Variants in MYO9A observed in about 807,000 individuals in gnomAD.
The protein encoded by MYO9A is unconventional myosin-IXa.
MYO9A carries 103 observed loss-of-function variants against 293.3 expected under a neutral mutation model. That is an observed-to-expected ratio of 0.35 (90% CI 0.30 to 0.41). The LOEUF (loss-of-function observed/expected upper bound fraction) is 0.41, where lower values mean the gene tolerates loss of function less well. Among genes scored for constraint, MYO9A ranks in the 10% least tolerant of loss-of-function variants. MYO9A has a pLI of 1.00. For missense variants in MYO9A, 2,685 were observed against 3,033.0 expected (o/e 0.89, Z 2.69); for synonymous variants, 1,001 against 1,035.7 (o/e 0.97, Z 0.64).
chr15:71,886,272 T>A (rs1266156315), intron 27 of MYO9A, among the ~76,000 whole-genome samples: 1 of 151,664 alleles, frequency 6.6e-6, no homozygotes, highest in Non-Finnish European at 1.5e-5. Context: ...AGTATGGTCT[T>A]CCTTACAGGG....
Position 72,020,901 on chromosome 15 carries a change from T to G in MYO9A, c.1098+17A>C, listed in dbSNP as rs775325850. 2.5e-5 allele frequency: 37 copies of G among 1,453,172 alleles called. No individual in the cohort carries two copies. The highest frequency in any genetic ancestry group is 3.4e-5 in the Non-Finnish European group (37 of 1,092,290). 90.0% of individuals were successfully genotyped at this position (1,453,172 alleles called of 1,614,324 possible). ...AATACTGCCCTATACTTCAAAATGC[T>G]TTTTATGAACTCTCACCTGATTGAG... On this transcript the variant is annotated intron_variant, in intron 5 of 41. Transcript: ENST00000356056.
At position 72,058,290 on chromosome 15, in the gene MYO9A, T is replaced by A. The variant is rs559356278; in HGVS notation, c.-71-11656A>T. ...TGCACATAAAGGTATACATATATTTTAAAATGGGTTAAAACACTGGGCTTT... is the reference window on the plus strand; with the variant it reads ...TGCACATAAAGGTATACATATATTTAAAAATGGGTTAAAACACTGGGCTTT... On this transcript the variant is annotated intron_variant, in intron 1 of 41. Transcript: ENST00000356056. Among the ~76,000 whole-genome samples the A allele has an allele frequency of 5.3e-5, 8 of 152,314 alleles. 1 individual carries two copies. In the East Asian group the frequency reaches 1.5e-3, roughly 29 times the overall value.
At chr15:71,905,592 C>T (rs1453127022) in intron 19 of MYO9A, among the ~76,000 whole-genome samples, 1 of 151,820 alleles carries the variant, frequency 6.6e-6, no homozygotes, top group Non-Finnish European at 1.5e-5. Context: ...TTGAGACCAG[C>T]CTGGCCAACA....
intron 19 of MYO9A, among the ~76,000 whole-genome samples, chr15:71,905,700 T>C (rs559427296): frequency 6.2e-4 from 83 of 134,002 alleles, no homozygotes; most frequent in African/African-American, 2.3e-3. Context: ...GAGGTGGAGG[T>C]TGCAGTAAGC....
intron 4 of MYO9A, among the ~76,000 whole-genome samples, chr15:72,025,381 G>C (rs2077632926): frequency 6.6e-6 from 1 of 151,860 alleles, no homozygotes; most frequent in Non-Finnish European, 1.5e-5. Context: ...TTTTTTTTGA[G>C]ATGGAGTTTC....
intron 32 of MYO9A, among the ~76,000 whole-genome samples, chr15:71,868,150 C>A (rs550266599): frequency 6.6e-5 from 10 of 152,338 alleles, no homozygotes; most frequent in African/African-American, 2.2e-4. Context: ...GTGGAACAAT[C>A]TGCTTCCAAT....
chr15:72,074,143 ATG>A (rs567850459), intron 1 of MYO9A, among the ~76,000 whole-genome samples: 4 of 152,224 alleles, frequency 2.6e-5, no homozygotes, highest in Non-Finnish European at 5.9e-5. Context: ...CTAGGTATTA[ATG>A]TGTGATAATA....
intron 1 of MYO9A, among the ~76,000 whole-genome samples, chr15:72,056,651 G>A (rs2149889781): frequency 6.6e-6 from 1 of 152,276 alleles, no homozygotes; most frequent in Non-Finnish European, 1.5e-5. Context: ...TCAGGCGATG[G>A]GTGCACCAAA....
intron 1 of MYO9A, among the ~76,000 whole-genome samples, chr15:72,056,406 G>A (rs1596479754): frequency 1.3e-5 from 2 of 152,200 alleles, no homozygotes; most frequent in East Asian, 3.8e-4. Flanking sequence ...ATACTACTCA[G>A]CCATAAAAAG....
chr15:71,843,456 A>G (rs2055252423), intron 39 of MYO9A, among the ~76,000 whole-genome samples: 1 of 152,222 alleles, frequency 6.6e-6, no homozygotes, highest in Middle Eastern at 3.4e-3. Flanking sequence ...AAATAAATAA[A>G]TAGATTAGTC....
intron 1 of MYO9A, among the ~76,000 whole-genome samples, chr15:72,076,566 T>A (rs1455005912): frequency 6.6e-6 from 1 of 152,096 alleles, no homozygotes; most frequent in Admixed American, 6.5e-5. Context: ...ATCTCTAACG[T>A]GAAAACTATG....
At chr15:72,049,806 A>G (rs1031995875) in intron 1 of MYO9A, among the ~76,000 whole-genome samples, 8 of 152,216 alleles carry the variant, frequency 5.3e-5, no homozygotes, top group Non-Finnish European at 8.8e-5. Flanking sequence ...TCCCAAAACC[A>G]TCCCCTACTA....
chr15:72,021,923 T>C (rs1246427715), intron 4 of MYO9A, among the ~76,000 whole-genome samples: 1 of 152,130 alleles, frequency 6.6e-6, no homozygotes, highest in Non-Finnish European at 1.5e-5. Flanking sequence ...CTAAGGTAGA[T>C]TTGTGAAATA....
intron 35 of MYO9A, among the ~76,000 whole-genome samples, chr15:71,854,021 T>C (rs1012150517): frequency 6.6e-6 from 1 of 152,218 alleles, no homozygotes; most frequent in African/African-American, 2.4e-5. Context: ...TTGTGAATAT[T>C]ATAAAAACAT....
In MYO9A at chr15:71,898,287, G is replaced by C. The variant is rs747380907; in HGVS notation, c.4216C>G (p.Pro1406Ala). Residue 1406 changes from proline to alanine, a missense_variant, in exon 25 of 42, where the codon CCA becomes GCA. This residue lies in a region of MYO9A where 1,434 missense variants were observed against 1,497.7 expected (regional missense o/e 0.96). Transcript: ENST00000356056. ...GAAATGAAGGAGTCTTTCAGCTGTG[G>C]TTTACAGGTAATAGACTCAGAACTG... is the stretch of plus-strand genomic sequence containing the variant. ...VCSSESITCK[P>A]QLKDSFISNS... 1.9e-5 allele frequency: 30 copies of C among 1,613,934 alleles called. No individual in the cohort carries two copies. In the South Asian group the frequency reaches 3.3e-4, roughly 18 times the overall value.
intron 1 of MYO9A, among the ~76,000 whole-genome samples, chr15:72,100,921 G>A (rs1327452506): frequency 7.0e-6 from 1 of 142,604 alleles, no homozygotes; most frequent in African/African-American, 2.6e-5. Context: ...AGGGAGGTGG[G>A]GGGGGTCAGC....
chr15:71,933,667 C>T lies in MYO9A; in HGVS notation c.2562+3G>A. 1.9e-6 allele frequency: 3 copies of T among 1,606,598 alleles called. No individual in the cohort carries two copies. The highest frequency in any genetic ancestry group is 2.5e-6 in the Non-Finnish European group (3 of 1,176,758). On this transcript the variant is annotated splice_donor_region_variant and intron_variant, in intron 18 of 41. Transcript: ENST00000356056. ...ATACAAAAAAAGTTTTCATAGTACT[C>T]ACCTTTGGAAGGGCAGGCTTGGATT... is the stretch of plus-strand genomic sequence containing the variant.
chr15:72,118,016 C>A lies in MYO9A; in HGVS notation c.-408G>T, dbSNP rs560754608. On this transcript the variant is annotated 5_prime_UTR_variant, in exon 1 of 42. Coordinates refer to ENST00000356056, the MANE Select transcript of MYO9A (RefSeq NM_006901.4). ...CCGCCGCCGCCTCTCGCAGTCCGGG[C>A]TGTCCTGTACTCTCTCAACAGACAC... 1.0e-5 allele frequency: 4 copies of A among 397,402 alleles called. No homozygotes were observed. Among genetic ancestry groups the A allele is most frequent in the Non-Finnish European group, 1.8e-5 (4 of 225,234 alleles). The allele number at this position is 397,402 out of a possible 1,614,324, so 24.6% of individuals were successfully genotyped here. A position where few individuals can be genotyped will look rare whatever the true frequency, so the allele number is the denominator to read the frequency against.
chr15:71,986,882 C>G (rs2076420953), intron 11 of MYO9A, among the ~76,000 whole-genome samples: 1 of 152,070 alleles, frequency 6.6e-6, no homozygotes. Context: ...TAAAGTCTAA[C>G]TAGTGTGTGT....
Sources: gnomAD v4.1 joint callset for allele counts (sites outside exome capture counted in the v4.1 genomes callset) on GRCh38, gnomAD v4.1.1 for gene constraint, gnomAD v4.1.1 regional missense constraint, MANE v1.5 for transcripts, NCBI Gene and HGNC (gene_info 2026-07-23, HGNC 2026-07-21) for gene names.